GABRB1: variants seen among roughly 807,000 people sequenced by gnomAD.
GABRB1 encodes the protein gamma-aminobutyric acid type A receptor subunit beta1.
GABRB1 carries 17 observed loss-of-function variants against 51.6 expected under a neutral mutation model. The ratio of observed to expected loss-of-function variants is 0.33; its 90% CI spans 0.23 to 0.49. GABRB1 has a LOEUF of 0.49. GABRB1 is among the 20% of genes least tolerant of loss of function. The pLI is 0.99. For synonymous variants in GABRB1, 247 were observed against 218.9 expected (o/e 1.13, Z -1.14); for missense variants, 410 against 600.6 (o/e 0.68, Z 3.32).
intron 3 of GABRB1, among the ~76,000 whole-genome samples, chr4:47,144,566 T>C (rs1046645281): frequency 6.6e-6 from 1 of 151,976 alleles, no homozygotes; most frequent in African/African-American, 2.4e-5. Context: ...CCAAGTGCTG[T>C]GTTAAGCTCT....
intron 3 of GABRB1, among the ~76,000 whole-genome samples, chr4:47,064,191 C>A (rs73247632): frequency 0.024 from 3,633 of 152,288 alleles, 66 homozygotes; most frequent in Middle Eastern, 0.044. Flanking sequence ...GAGTTTGCCT[C>A]TGCCCTGTGC....
intron 3 of GABRB1, among the ~76,000 whole-genome samples, chr4:47,076,837 A>G (rs1357268989): frequency 6.6e-6 from 1 of 152,158 alleles, no homozygotes; most frequent in African/African-American, 2.4e-5. Context: ...GCACACTCCC[A>G]TAATAAATCA....
chr4:47,082,837 C>T (rs116307470), intron 3 of GABRB1, among the ~76,000 whole-genome samples: 2,221 of 152,204 alleles, frequency 0.015, 45 homozygotes, highest in African/African-American at 0.051. Flanking sequence ...GAGAAACTGT[C>T]TTCCTTATCA....
chr4:47,006,389 A>C (rs546193321), intron 1 of GABRB1, among the ~76,000 whole-genome samples: 20 of 152,272 alleles, frequency 1.3e-4, no homozygotes, highest in Middle Eastern at 6.8e-3. Context: ...AGTACCAAAA[A>C]ATTAAAAATG....
At chr4:47,331,004 A>C (rs1725460799) in intron 5 of GABRB1, among the ~76,000 whole-genome samples, 1 of 152,128 alleles carries the variant, frequency 6.6e-6, no homozygotes, top group Non-Finnish European at 1.5e-5. Flanking sequence ...ATGGATGCAA[A>C]ACACCAAAAA....
intron 4 of GABRB1, among the ~76,000 whole-genome samples, chr4:47,230,426 A>G (rs951924566): frequency 2.0e-5 from 3 of 152,188 alleles, no homozygotes; most frequent in African/African-American, 4.8e-5. Flanking sequence ...AAAACCTCCA[A>G]GCATGTCAGT....
At chr4:47,329,903 C>G (rs968762091) in intron 5 of GABRB1, among the ~76,000 whole-genome samples, 1 of 151,940 alleles carries the variant, frequency 6.6e-6, no homozygotes, top group Non-Finnish European at 1.5e-5. Context: ...GGAATTGGCT[C>G]ACGCAATTAT....
intron 3 of GABRB1, among the ~76,000 whole-genome samples, chr4:47,046,044 G>A (rs1393522340): frequency 6.6e-6 from 1 of 152,036 alleles, no homozygotes; most frequent in Admixed American, 6.6e-5. Context: ...GCATGATAGT[G>A]AGTGAGTTCT....
intron 4 of GABRB1, among the ~76,000 whole-genome samples, chr4:47,260,603 T>C (rs1722390764): frequency 6.6e-6 from 1 of 152,174 alleles, no homozygotes; most frequent in East Asian, 1.9e-4. Context: ...TTTGGCTGGA[T>C]ATGAAATTCT....
chr4:47,067,479 T>C (rs1408045293), intron 3 of GABRB1, among the ~76,000 whole-genome samples: 1 of 152,204 alleles, frequency 6.6e-6, no homozygotes, highest in East Asian at 1.9e-4. Context: ...TTGTTTAGTG[T>C]AGCCAACTTC....
chr4:47,256,968 T>C (rs1722227746), intron 4 of GABRB1, among the ~76,000 whole-genome samples: 1 of 152,212 alleles, frequency 6.6e-6, no homozygotes, highest in African/African-American at 2.4e-5. Context: ...TCACAGGTTA[T>C]ATCATTTACT....
intron 8 of GABRB1, among the ~76,000 whole-genome samples, chr4:47,408,711 A>G (rs910886288): frequency 6.6e-6 from 1 of 152,218 alleles, no homozygotes; most frequent in Non-Finnish European, 1.5e-5. Context: ...CAACTTCCCA[A>G]TGTCTGATTG....
chr4:47,260,498 A>G (rs1722387439), intron 4 of GABRB1, among the ~76,000 whole-genome samples: 1 of 152,136 alleles, frequency 6.6e-6, no homozygotes. Flanking sequence ...TGCTTCCTTC[A>G]GGAGCTCTTT....
intron 5 of GABRB1, among the ~76,000 whole-genome samples, chr4:47,356,677 T>C: frequency 6.6e-6 from 1 of 152,180 alleles, no homozygotes; most frequent in East Asian, 1.9e-4. Context: ...TAGAAATGGC[T>C]TGGAAGATGT....
intron 5 of GABRB1, among the ~76,000 whole-genome samples, chr4:47,360,738 C>A (rs1469917809): frequency 6.6e-6 from 1 of 151,908 alleles, no homozygotes; most frequent in African/African-American, 2.4e-5. Context: ...AACTACTCTT[C>A]GATTACCATA....
intron 1 of GABRB1, among the ~76,000 whole-genome samples, chr4:47,018,251 C>T (rs1278613583): frequency 2.0e-5 from 3 of 151,498 alleles, no homozygotes; most frequent in Admixed American, 1.3e-4. Flanking sequence ...TGGTCTTGAA[C>T]TCCTGGCCTC....
chr4:47,120,283 A>G (rs1399578181), intron 3 of GABRB1, among the ~76,000 whole-genome samples: 1 of 152,138 alleles, frequency 6.6e-6, no homozygotes, highest in African/African-American at 2.4e-5. Context: ...ACTCTGATAC[A>G]ATATTAGCTG....
chr4:47,351,001 T>C (rs755292132), intron 5 of GABRB1, among the ~76,000 whole-genome samples: 1 of 152,256 alleles, frequency 6.6e-6, no homozygotes, highest in African/African-American at 2.4e-5. Context: ...AAAAGTTTCT[T>C]CCACATTTTA....
chr4:47,277,374 G>C (rs1395251988), intron 4 of GABRB1, among the ~76,000 whole-genome samples: 1 of 152,068 alleles, frequency 6.6e-6, no homozygotes, highest in Non-Finnish European at 1.5e-5. Flanking sequence ...GAAGGATAGT[G>C]AGGGGCTGGG....
Sources: allele counts gnomAD v4.1 joint callset (sites outside exome capture counted in the v4.1 genomes callset), GRCh38; gene constraint gnomAD v4.1.1; transcripts MANE v1.5; gene names NCBI Gene and HGNC (gene_info 2026-07-23, HGNC 2026-07-21).